DLGAP2: variants seen among roughly 807,000 people sequenced by gnomAD.
DLGAP2 encodes DLG associated protein 2.
In DLGAP2, 26 loss-of-function variants were observed where a neutral mutation model predicts 100.3. The ratio of observed to expected loss-of-function variants is 0.26; its 90% CI spans 0.19 to 0.36. DLGAP2 has a LOEUF of 0.36. DLGAP2 is among the 10% of genes least tolerant of loss of function. The pLI, the probability that DLGAP2 is intolerant of heterozygous loss-of-function variation, is 1.00. For missense variants in DLGAP2, 1,858 were observed against 1,453.2 expected (o/e 1.28, Z -4.53); for synonymous variants, 886 against 630.1 (o/e 1.41, Z -6.08).
At chr8:1,430,011 T>TATTTATATATATATAC (rs1554467338) in intron 3 of DLGAP2, among the ~76,000 whole-genome samples, 3 of 63,960 alleles carry the variant, frequency 4.7e-5, no homozygotes, top group African/African-American at 1.7e-4. Flanking sequence ...TATATACATA[T>TATTTATATATATATAC]ATATATATAT....
intron 3 of DLGAP2, among the ~76,000 whole-genome samples, chr8:1,283,121 G>T (rs58890256): frequency 5.4e-5 from 7 of 130,522 alleles, no homozygotes; most frequent in Non-Finnish European, 9.0e-5. Flanking sequence ...TGAACCATCC[G>T]GACATGGTGT....
intron 3 of DLGAP2, among the ~76,000 whole-genome samples, chr8:1,484,750 C>G (rs1304780438): frequency 6.6e-6 from 1 of 152,230 alleles, no homozygotes. Context: ...CATAGTTGGG[C>G]ATCATATCTG....
At chr8:1,355,595 C>T (rs577853297) in intron 3 of DLGAP2, among the ~76,000 whole-genome samples, 97 of 152,266 alleles carry the variant, frequency 6.4e-4, no homozygotes, top group African/African-American at 2.2e-3. Context: ...GAACTCCTGA[C>T]CTCATGATCC....
chr8:1,564,647 G>T (rs1802323409), intron 5 of DLGAP2, among the ~76,000 whole-genome samples: 1 of 152,214 alleles, frequency 6.6e-6, no homozygotes. Context: ...CAGTTGCTCA[G>T]TTTGGTACCA....
At chr8:1,273,461 T>C (rs1207017386) in intron 3 of DLGAP2, among the ~76,000 whole-genome samples, 4 of 152,182 alleles carry the variant, frequency 2.6e-5, no homozygotes, top group Admixed American at 6.5e-5. Flanking sequence ...CCACCTTAAC[T>C]TGACGAGTTT....
intron 3 of DLGAP2, among the ~76,000 whole-genome samples, chr8:1,363,957 C>T (rs1166113479): frequency 1.3e-5 from 2 of 152,158 alleles, no homozygotes; most frequent in East Asian, 1.9e-4. Context: ...GGCCATGGCA[C>T]AGTAGGAGTC....
intron 3 of DLGAP2, among the ~76,000 whole-genome samples, chr8:1,413,411 G>C (rs1335441415): frequency 1.3e-5 from 2 of 152,096 alleles, no homozygotes; most frequent in African/African-American, 2.4e-5. Flanking sequence ...TGCTCAAGAA[G>C]CATAAAAAAG....
Position 1,630,723 on chromosome 8 carries a change from C to G in DLGAP2, c.1591-2104C>G, listed in dbSNP as rs112645173. On this transcript the variant is annotated intron_variant, in intron 7 of 14. Transcript: ENST00000637795. ...TCTCGAAAAAAAAAAAAAAGTTTGCCCTTCATGTTTAACATTCAATTTTTT... is the reference window on the plus strand; with the variant it reads ...TCTCGAAAAAAAAAAAAAAGTTTGCGCTTCATGTTTAACATTCAATTTTTT... 9.1e-3 allele frequency among the ~76,000 whole-genome samples: 1,382 copies of G among 152,192 alleles called. 20 individuals are homozygous for G. The highest frequency in any genetic ancestry group is 0.032 in the African/African-American group (1,314 of 41,528).
intron 6 of DLGAP2, among the ~76,000 whole-genome samples, chr8:1,593,953 C>G (rs2130681145): frequency 6.6e-6 from 1 of 152,336 alleles, no homozygotes; most frequent in Non-Finnish European, 1.5e-5. Context: ...GCCTTCCAGT[C>G]TTGGAGCTCT....
At chr8:1,100,254 C>T (rs980680843) in intron 2 of DLGAP2, among the ~76,000 whole-genome samples, 15 of 144,598 alleles carry the variant, frequency 1.0e-4, no homozygotes, top group Admixed American at 2.7e-4. Context: ...CAGTGGACAG[C>T]GTGTGTAGGG....
chr8:993,787 C>CT (rs534659471), intron 2 of DLGAP2, among the ~76,000 whole-genome samples: 66 of 64,164 alleles, frequency 1.0e-3, no homozygotes, highest in Admixed American at 2.0e-3. Context: ...AACTGATTGG[C>CT]TTTTTTTTTT....
At chr8:970,518 G>A (rs1457673257) in intron 2 of DLGAP2, among the ~76,000 whole-genome samples, 1 of 152,104 alleles carries the variant, frequency 6.6e-6, no homozygotes, top group Admixed American at 6.5e-5. Flanking sequence ...TTCTGTAATA[G>A]GAATAGAACA....
chr8:1,417,693 G>GGGCACGGGTA lies in DLGAP2; in HGVS notation c.107-83672_107-83671insGCACGGGTAG. ...CGCGAGGCTCCAGGGGGGCACAGGG[G>GGGCACGGGTA]GCCCCACTCCTGCCTCACTCGGCGA... On this transcript the variant is annotated intron_variant, in intron 3 of 14. Transcript: ENST00000637795. Among the ~76,000 whole-genome samples the GGGCACGGGTA allele has an allele frequency of 3.2e-5, 3 of 93,098 alleles. 1 individual carries two copies. The highest frequency in any genetic ancestry group is 4.6e-5 in the African/African-American group (1 of 21,888). 61.1% of individuals were successfully genotyped at this position (93,098 alleles called of 152,430 possible).
chr8:1,506,631 G>T (rs1799930794), intron 4 of DLGAP2, among the ~76,000 whole-genome samples: 1 of 152,192 alleles, frequency 6.6e-6, no homozygotes, highest in African/African-American at 2.4e-5. Flanking sequence ...GGCTCAGGCA[G>T]ACTGCTTTTA....
chr8:1,353,969 G>A (rs890934361), intron 3 of DLGAP2, among the ~76,000 whole-genome samples: 9 of 152,190 alleles, frequency 5.9e-5, no homozygotes, highest in African/African-American at 2.2e-4. Flanking sequence ...GAAGTAAGTG[G>A]ACGTTTTTTT....
intron 3 of DLGAP2, among the ~76,000 whole-genome samples, chr8:1,364,702 A>G (rs1802069256): frequency 6.6e-6 from 1 of 152,210 alleles, no homozygotes; most frequent in South Asian, 2.1e-4. Flanking sequence ...ACTCCAATTA[A>G]AGCTTGCGTG....
At chr8:998,959 G>A (rs1297685645) in intron 2 of DLGAP2, among the ~76,000 whole-genome samples, 3 of 152,230 alleles carry the variant, frequency 2.0e-5, no homozygotes, top group South Asian at 2.1e-4. Context: ...AGGATACGTG[G>A]GCTGGTTGTA....
At position 800,060 on chromosome 8, in the gene DLGAP2, G is replaced by T. The variant is rs115713748; in HGVS notation, c.18+62235G>T. ...TCTGGATGTCCTTTTAAAACTTTCA[G>T]CACAGGCCCACATTCTGAAGAAAGC... On this transcript the variant is annotated intron_variant, in intron 1 of 14. Coordinates refer to ENST00000637795, the MANE Select transcript of DLGAP2 (RefSeq NM_001346810.2). 3.4e-3 allele frequency among the ~76,000 whole-genome samples: 516 copies of T among 152,134 alleles called. 3 individuals carry two copies. Among genetic ancestry groups the T allele is most frequent in the African/African-American group, 0.012 (486 of 41,518 alleles).
intron 3 of DLGAP2, among the ~76,000 whole-genome samples, chr8:1,473,001 G>C (rs559347566): frequency 5.5e-4 from 83 of 152,194 alleles, no homozygotes; most frequent in African/African-American, 1.9e-3. Flanking sequence ...CTTGATCTCA[G>C]CTCACTGCAA....
Sources: allele counts gnomAD v4.1 joint callset (sites outside exome capture counted in the v4.1 genomes callset), GRCh38; gene constraint gnomAD v4.1.1; transcripts MANE v1.5; gene names NCBI Gene and HGNC (gene_info 2026-07-23, HGNC 2026-07-21).